The following NLGN1 variants were observed in gnomAD, a reference collection of about 807,000 sequenced individuals.
NLGN1 encodes the protein neuroligin 1.
In NLGN1, 12 loss-of-function variants were observed where a neutral mutation model predicts 65.5. That is an observed-to-expected ratio of 0.18 (90% CI 0.12 to 0.30). The LOEUF is 0.30. Ranked by LOEUF, NLGN1 falls within the 10% of genes least tolerant of loss-of-function variation. The pLI is 1.00. For missense variants in NLGN1, 750 were observed against 1,007.1 expected, an observed-to-expected ratio of 0.74 and a Z score of 3.46; for synonymous variants, 350 against 359.5, an observed-to-expected ratio of 0.97 and a Z score of 0.30.
intron 4 of NLGN1, among the ~76,000 whole-genome samples, chr3:174,188,350 A>G (rs780196243): frequency 6.6e-5 from 10 of 152,010 alleles, no homozygotes; most frequent in Non-Finnish European, 1.2e-4. Context: ...AATAATAACC[A>G]ATAATAGTAA....
At chr3:173,536,756 C>T (rs1737501002) in intron 2 of NLGN1, among the ~76,000 whole-genome samples, 1 of 151,986 alleles carries the variant, frequency 6.6e-6, no homozygotes, top group Non-Finnish European at 1.5e-5. Context: ...TATGTGTGTG[C>T]ACGAGTGTGC....
chr3:173,778,162 T>A (rs910502339), intron 3 of NLGN1, among the ~76,000 whole-genome samples: 9 of 151,834 alleles, frequency 5.9e-5, no homozygotes, highest in African/African-American at 9.6e-5. Flanking sequence ...TCTGTTTTTT[T>A]AAAAAAAACC....
At chr3:173,948,359 G>C (rs566243227) in intron 4 of NLGN1, among the ~76,000 whole-genome samples, 1 of 152,338 alleles carries the variant, frequency 6.6e-6, no homozygotes, top group East Asian at 1.9e-4. Flanking sequence ...CATTACGGCA[G>C]AGACAATGCC....
chr3:173,497,573 T>G (rs935324752), intron 2 of NLGN1, among the ~76,000 whole-genome samples: 2 of 151,872 alleles, frequency 1.3e-5, no homozygotes, highest in Non-Finnish European at 1.5e-5. Context: ...AAGAGCACAC[T>G]TTAAAAAAAT....
At chr3:173,765,390 A>T (rs1236263045) in intron 3 of NLGN1, among the ~76,000 whole-genome samples, 1 of 152,168 alleles carries the variant, frequency 6.6e-6, no homozygotes, top group Non-Finnish European at 1.5e-5. Context: ...GAAACCAATG[A>T]TACTTTATCT....
chr3:174,178,627 G>A (rs1729863199), intron 4 of NLGN1, among the ~76,000 whole-genome samples: 1 of 151,896 alleles, frequency 6.6e-6, no homozygotes, highest in African/African-American at 2.4e-5. Flanking sequence ...AATAATGCAG[G>A]GAATATGGTG....
intron 2 of NLGN1, among the ~76,000 whole-genome samples, chr3:173,581,693 T>TA (rs1238042540): frequency 2.0e-5 from 3 of 151,938 alleles, no homozygotes; most frequent in African/African-American, 4.8e-5. Flanking sequence ...TACAGTTTTT[T>TA]AAAAAAATCT....
chr3:174,245,379 G>T (rs914838815), intron 4 of NLGN1, among the ~76,000 whole-genome samples: 1 of 152,064 alleles, frequency 6.6e-6, no homozygotes, highest in African/African-American at 2.4e-5. Flanking sequence ...CAACATGAGT[G>T]AACTCTACTG....
At chr3:173,539,336 C>G (rs1000327736) in intron 2 of NLGN1, among the ~76,000 whole-genome samples, 22 of 150,304 alleles carry the variant, frequency 1.5e-4, no homozygotes, top group African/African-American at 4.7e-4. Context: ...ATGCAACTCA[C>G]TTGTGCTTTC....
intron 4 of NLGN1, among the ~76,000 whole-genome samples, chr3:173,998,999 CA>C (rs1722789512): frequency 6.6e-6 from 1 of 152,186 alleles, no homozygotes; most frequent in Non-Finnish European, 1.5e-5. Context: ...TCGCACACAC[CA>C]ACAAAGGAAA....
intron 4 of NLGN1, among the ~76,000 whole-genome samples, chr3:173,906,484 C>T (rs1738414982): frequency 6.6e-6 from 1 of 152,052 alleles, no homozygotes; most frequent in African/African-American, 2.4e-5. Flanking sequence ...TCACCCCTGC[C>T]CTGAAAAATT....
chr3:174,069,329 G>A (rs1580122256), intron 4 of NLGN1, among the ~76,000 whole-genome samples: 1 of 152,250 alleles, frequency 6.6e-6, no homozygotes, highest in East Asian at 1.9e-4. Flanking sequence ...ATCTGGGTGT[G>A]GTATTACCAA....
chr3:174,007,643 A>G (rs1724709025), intron 4 of NLGN1, among the ~76,000 whole-genome samples: 1 of 152,226 alleles, frequency 6.6e-6, no homozygotes, highest in Non-Finnish European at 1.5e-5. Flanking sequence ...CGAGACATGC[A>G]TATTTAGCAG....
chr3:173,778,124 T>C (rs760596057), intron 3 of NLGN1, among the ~76,000 whole-genome samples: 9 of 151,890 alleles, frequency 5.9e-5, no homozygotes, highest in Non-Finnish European at 8.9e-5. Flanking sequence ...TAAGGTACAA[T>C]TTAAGATAAC....
At position 174,113,766 on chromosome 3, in the gene NLGN1, A is replaced by T. The variant is rs111570344; in HGVS notation, c.647-161549A>T. On this transcript the variant is annotated intron_variant, in intron 4 of 6. Coordinates refer to ENST00000457714, the Ensembl canonical transcript of NLGN1. The stretch of plus-strand genomic sequence containing the variant: ...TAAGATAATGCCTAACATTTAGAAA[A>T]TTAATAACACTTTATTATTTCTGAT... Among the ~76,000 whole-genome samples, 1,485 of 152,274 alleles carry T rather than the reference A, an allele frequency of 9.8e-3. 31 individuals are homozygous for T. Among genetic ancestry groups the T allele is most frequent in the African/African-American group, 0.034 (1,409 of 41,574 alleles).
chr3:174,152,681 C>G (rs1159072992), intron 4 of NLGN1, among the ~76,000 whole-genome samples: 3 of 151,708 alleles, frequency 2.0e-5, no homozygotes, highest in African/African-American at 7.3e-5. Flanking sequence ...ATTAATAGTA[C>G]TTTGCTTATT....
At position 173,930,428 on chromosome 3, in the gene NLGN1, C is replaced by T. The variant is rs74884610; in HGVS notation, c.646+122596C>T. ...AAAAGCAAAATGTAAAACTGCAGCC[C>T]GCTGTGAAGGGAAGTCTACACATTG... On this transcript the variant is annotated intron_variant, in intron 4 of 6. Transcript: ENST00000457714. Among the ~76,000 whole-genome samples, 565 of 152,122 alleles carry T rather than the reference C, an allele frequency of 3.7e-3. 3 individuals are homozygous for T. The highest frequency in any genetic ancestry group is 0.025 in the East Asian group (127 of 5,168).
chr3:173,526,128 T>C (rs1467681361), intron 2 of NLGN1, among the ~76,000 whole-genome samples: 1 of 152,138 alleles, frequency 6.6e-6, no homozygotes. Flanking sequence ...AGATATTTAG[T>C]ATCTATGGGT....
intron 4 of NLGN1, among the ~76,000 whole-genome samples, chr3:174,227,859 AAT>A (rs1195865624): frequency 1.3e-5 from 2 of 152,128 alleles, no homozygotes; most frequent in African/African-American, 4.8e-5. Flanking sequence ...GACTTATGAA[AAT>A]ATGTGGTGTA....
Sources: gnomAD v4.1 joint callset for allele counts (sites outside exome capture counted in the v4.1 genomes callset) on GRCh38, gnomAD v4.1.1 for gene constraint, MANE v1.5 for transcripts, NCBI Gene and HGNC (gene_info 2026-07-23, HGNC 2026-07-21) for gene names.